The following SLC8A3 variants were observed in gnomAD, a reference collection of about 807,000 sequenced individuals.
SLC8A3 encodes the protein sodium/calcium exchanger 3.
In SLC8A3, 37 loss-of-function variants were observed where a neutral mutation model predicts 65.4. That is an observed-to-expected ratio of 0.57 (90% CI 0.44 to 0.74). The LOEUF is 0.74. SLC8A3 is among the 30% of genes least tolerant of loss of function. SLC8A3 has a pLI of 0.00. For synonymous variants in SLC8A3, 461 were observed against 444.5 expected (o/e 1.04, Z -0.47); for missense variants, 1,112 against 1,172.1 (o/e 0.95, Z 0.75).
intron 3 of SLC8A3, among the ~76,000 whole-genome samples, chr14:70,053,563 A>G (rs944177615): frequency 1.3e-5 from 2 of 152,248 alleles, no homozygotes; most frequent in Non-Finnish European, 2.9e-5. Context: ...CATACTTTAC[A>G]TGTGACACAA....
At chr14:70,059,767 C>G (rs922900048) in intron 3 of SLC8A3, among the ~76,000 whole-genome samples, 1 of 152,134 alleles carries the variant, frequency 6.6e-6, no homozygotes, top group African/African-American at 2.4e-5. Context: ...TGTGACCTTT[C>G]CAACACCTGT....
intron 2 of SLC8A3, among the ~76,000 whole-genome samples, chr14:70,137,896 C>T (rs1895313601): frequency 6.7e-6 from 1 of 150,368 alleles, no homozygotes; most frequent in African/African-American, 2.4e-5. Context: ...CGATGGATGA[C>T]TTAGCATGGC....
At chr14:70,124,002 C>A (rs61662721) in intron 2 of SLC8A3, among the ~76,000 whole-genome samples, 17,767 of 152,158 alleles carry the variant, frequency 0.12, 1,108 homozygotes, top group Middle Eastern at 0.16. Context: ...CCATAATTAT[C>A]CAATTGTACA....
chr14:70,050,907 C>A (rs1887423009), intron 5 of SLC8A3, 101 bp downstream of exon 5: 7 of 714,586 alleles, frequency 9.8e-6, no homozygotes, highest in Non-Finnish European at 1.8e-5. Context: ...ACTGAACACA[C>A]AAGCCTTCCT....
intron 2 of SLC8A3, among the ~76,000 whole-genome samples, chr14:70,142,562 G>T (rs938843592): frequency 2.2e-4 from 34 of 152,164 alleles, no homozygotes; most frequent in African/African-American, 8.0e-4. Context: ...ACCATAGACT[G>T]GCTGATTTTC....
At chr14:70,074,589 T>C (rs1380610506) in intron 2 of SLC8A3, among the ~76,000 whole-genome samples, 1 of 152,178 alleles carries the variant, frequency 6.6e-6, no homozygotes, top group Non-Finnish European at 1.5e-5. Context: ...GAAATCCTAT[T>C]TCCTCTATGC....
At chr14:70,155,059 AC>A (rs1305611135) in intron 2 of SLC8A3, among the ~76,000 whole-genome samples, 5 of 151,742 alleles carry the variant, frequency 3.3e-5, no homozygotes, top group African/African-American at 9.7e-5. Flanking sequence ...AGCTAGGACT[AC>A]AGGTGTGCGC....
intron 2 of SLC8A3, among the ~76,000 whole-genome samples, chr14:70,123,848 A>G (rs765686058): frequency 5.3e-5 from 8 of 152,194 alleles, no homozygotes; most frequent in Non-Finnish European, 1.0e-4. Context: ...TCTGACATCT[A>G]TTTAAGAGGA....
At chr14:70,090,792 G>A (rs1891749963) in intron 2 of SLC8A3, among the ~76,000 whole-genome samples, 1 of 152,180 alleles carries the variant, frequency 6.6e-6, no homozygotes, top group Non-Finnish European at 1.5e-5. Context: ...GGTCAAATGT[G>A]TAAATCTCTA....
At chr14:70,115,073 T>C (rs1385268456) in intron 2 of SLC8A3, among the ~76,000 whole-genome samples, 1 of 152,218 alleles carries the variant, frequency 6.6e-6, no homozygotes, top group Non-Finnish European at 1.5e-5. Context: ...GGTAGTGCTC[T>C]AAGGATACTT....
chr14:70,185,710 G>C (rs1883150010), intron 1 of SLC8A3, among the ~76,000 whole-genome samples: 1 of 152,232 alleles, frequency 6.6e-6, no homozygotes, highest in Admixed American at 6.5e-5. Flanking sequence ...CGGGCACAGT[G>C]CTAGGCCTTG....
intron 2 of SLC8A3, among the ~76,000 whole-genome samples, chr14:70,143,532 G>A (rs1895708423): frequency 6.6e-6 from 1 of 152,118 alleles, no homozygotes; most frequent in African/African-American, 2.4e-5. Flanking sequence ...ATCACCTGGA[G>A]TGCTTAAACA....
At chr14:70,142,364 G>A (rs1005647978) in intron 2 of SLC8A3, among the ~76,000 whole-genome samples, 1 of 152,194 alleles carries the variant, frequency 6.6e-6, no homozygotes, top group African/African-American at 2.4e-5. Context: ...GGGTGGTGGT[G>A]TAAATGAACC....
intron 2 of SLC8A3, among the ~76,000 whole-genome samples, chr14:70,128,969 T>A (rs1227717400): frequency 6.6e-6 from 1 of 152,224 alleles, no homozygotes; most frequent in African/African-American, 2.4e-5. Context: ...GTTGTGGTGA[T>A]AGCAGCAGGT....
At chr14:70,087,867 C>T in intron 2 of SLC8A3, among the ~76,000 whole-genome samples, 1 of 152,146 alleles carries the variant, frequency 6.6e-6, no homozygotes, top group Non-Finnish European at 1.5e-5. Context: ...ATTCATGGTG[C>T]ATCTACATAT....
At position 70,167,235 on chromosome 14, in the gene SLC8A3, G is replaced by A. The variant is rs746945351; in HGVS notation, c.1188C>T (p.Ser396=). 2 of 1,614,150 alleles carry A rather than the reference G, an allele frequency of 1.2e-6. No homozygotes were observed. Among genetic ancestry groups the A allele is most frequent in the Non-Finnish European group, 1.7e-6 (2 of 1,179,990 alleles). The part of the protein sequence containing the change: ...VHTDEPEDFI[S]KVFFDPCSYQ... ...AAGAACATGGGTCAAAGAAGACCTT[G>A]GAAATAAAGTCCTCAGGCTCATCGG... Residue 396 remains serine (S), a synonymous_variant, in exon 2 of 7, where the codon TCC becomes TCT. Transcript: ENST00000356921.
intron 2 of SLC8A3, among the ~76,000 whole-genome samples, chr14:70,125,298 A>G (rs1195572424): frequency 6.6e-6 from 1 of 152,198 alleles, no homozygotes; most frequent in Non-Finnish European, 1.5e-5. Context: ...GTACTCATTA[A>G]GTAATTTTTC....
At chr14:70,139,859 T>C (rs1895451163) in intron 2 of SLC8A3, among the ~76,000 whole-genome samples, 1 of 152,074 alleles carries the variant, frequency 6.6e-6, no homozygotes, top group African/African-American at 2.4e-5. Context: ...ATAACCAACA[T>C]GTCAATAGAG....
In SLC8A3 at chr14:70,150,202, G is replaced by A. The variant is rs551381033; in HGVS notation, c.1784+16437C>T. 1.2e-4 allele frequency among the ~76,000 whole-genome samples: 19 copies of A among 152,216 alleles called. 1 individual carries two copies. The South Asian group carries it at 2.7e-3, about 22-fold the overall frequency. Reference sequence around the variant, plus strand: ...ATTTAGACTAGGCACTATGCTAAACGTTTTATATTGCATAATTGTATTCAA... The same window carrying A: ...ATTTAGACTAGGCACTATGCTAAACATTTTATATTGCATAATTGTATTCAA... On this transcript the variant is annotated intron_variant, in intron 2 of 6. Transcript: ENST00000356921.
Sources: allele counts gnomAD v4.1 joint callset (sites outside exome capture counted in the v4.1 genomes callset), GRCh38; gene constraint gnomAD v4.1.1; transcripts MANE v1.5; gene names NCBI Gene and HGNC (gene_info 2026-07-23, HGNC 2026-07-21).